Variants in PHF8 observed in about 807,000 individuals in gnomAD.
The protein encoded by PHF8 is histone lysine demethylase PHF8.
A neutral mutation model predicts 74.4 loss-of-function variants in PHF8; 9 were observed. That is an observed-to-expected ratio of 0.12 (90% CI 0.07 to 0.21). PHF8 has a LOEUF of 0.21. Among genes scored for constraint, PHF8 ranks in the 10% least tolerant of loss-of-function variants. The pLI, the probability that PHF8 is intolerant of heterozygous loss-of-function variation, is 1.00. For synonymous variants in PHF8, 311 were observed against 316.6 expected, an observed-to-expected ratio of 0.98 and a Z score of 0.19; for missense variants, 478 against 816.6, an observed-to-expected ratio of 0.59 and a Z score of 5.05.
intron 16 of PHF8, among the ~76,000 whole-genome samples, chrX:53,986,219 A>G (rs782076173): frequency 4.5e-5 from 5 of 112,287 alleles, no homozygotes; most frequent in African/African-American, 1.6e-4. Context: ...CATATCACAT[A>G]CTCTTTCTGC....
chrX:53,990,691 C>G (rs782270733), intron 14 of PHF8, among the ~76,000 whole-genome samples: 1 of 111,633 alleles, frequency 9.0e-6, no homozygotes, highest in South Asian at 3.8e-4. Context: ...CCAGATGGAC[C>G]TGAAGGTAAC....
At chrX:54,043,672 A>T (rs1441752495) in intron 1 of PHF8, 90 bp downstream of exon 1, 1 of 220,327 alleles carries the variant, frequency 4.5e-6, no homozygotes, top group African/African-American at 3.1e-5. Context: ...CCTCAAACTG[A>T]TGAGAGCTCC....
At chrX:53,950,268 T>TCC (rs1161868716) in intron 19 of PHF8, among the ~76,000 whole-genome samples, 41 of 111,715 alleles carry the variant, frequency 3.7e-4, no homozygotes, top group Middle Eastern at 4.7e-3. Context: ...TAAAAGCCTC[T>TCC]CCCTCCCTGA....
intron 1 of PHF8, 48 bp from the exon 2 acceptor site, chrX:54,042,868 C>G: frequency 2.2e-6 from 2 of 891,718 alleles, no homozygotes; most frequent in African/African-American, 2.1e-5. Context: ...CCCCGCCCCC[C>G]ACCCCCTTGC....
intron 4 of PHF8, among the ~76,000 whole-genome samples, chrX:54,021,459 T>A (rs1557109821): frequency 5.8e-5 from 4 of 68,930 alleles, no homozygotes; most frequent in African/African-American, 1.8e-4. Context: ...CAATTATTTT[T>A]TTTTTTTTTT....
chrX:54,021,959 T>C (rs370574002), intron 4 of PHF8, among the ~76,000 whole-genome samples: 3 of 111,856 alleles, frequency 2.7e-5, no homozygotes, highest in African/African-American at 9.7e-5. Context: ...GACCAATAAT[T>C]TTTTTATATT....
intron 2 of PHF8, among the ~76,000 whole-genome samples, chrX:54,041,396 A>G (rs1307750122): frequency 2.8e-5 from 3 of 108,802 alleles, no homozygotes; most frequent in African/African-American, 1.0e-4. Flanking sequence ...AATAAAAAAA[A>G]AAAAAAAAGA....
At position 53,987,173 on chromosome X, in the gene PHF8, A is replaced by C; in HGVS notation, c.1910-10T>G. ...AATTTCCGGGGAAATTCTAGAAAAC[A>C]ATGGAATGCACTTATTATGAAGCTA... is the stretch of plus-strand genomic sequence containing the variant. On this transcript the variant is annotated splice_polypyrimidine_tract_variant and intron_variant, in intron 15 of 21. Coordinates refer to ENST00000338154, the MANE Select transcript of PHF8 (RefSeq NM_015107.3). 9.2e-7 allele frequency: 1 copy of C among 1,082,777 alleles called. No homozygotes were observed. Among genetic ancestry groups the C allele is most frequent in the African/African-American group, 1.8e-5 (1 of 55,365 alleles). The allele number at this position is 1,082,777 out of a possible 1,213,427, so 89.2% of individuals were successfully genotyped here.
At chrX:53,998,969 T>G (rs2065789222) in intron 11 of PHF8, among the ~76,000 whole-genome samples, 1 of 111,686 alleles carries the variant, frequency 9.0e-6, no homozygotes, top group South Asian at 3.7e-4. Context: ...CTCAAAGAAA[T>G]AAAAAGGAAG....
intron 4 of PHF8, among the ~76,000 whole-genome samples, chrX:54,019,459 C>CA (rs1245549870): frequency 8.6e-5 from 9 of 104,203 alleles, no homozygotes; most frequent in Admixed American, 2.1e-4. Context: ...GACCCTGTCT[C>CA]AAAAAAAAAA....
intron 19 of PHF8, among the ~76,000 whole-genome samples, chrX:53,953,519 T>A (rs782125323): frequency 9.3e-6 from 1 of 107,949 alleles, no homozygotes; most frequent in Non-Finnish European, 1.9e-5. Flanking sequence ...CAGGCACCTG[T>A]AATCCCAGCT....
chrX:54,024,899 C>CA (rs1557111047), intron 2 of PHF8, among the ~76,000 whole-genome samples: 1 of 110,752 alleles, frequency 9.0e-6, no homozygotes, highest in East Asian at 2.8e-4. Flanking sequence ...TTTTTTGAGA[C>CA]AGAGTCTCGC....
Position 53,959,451 on chromosome X carries a change from T to G in PHF8, c.2539+3393A>C, listed in dbSNP as rs144972903. On this transcript the variant is annotated intron_variant, in intron 19 of 21. Transcript: ENST00000338154. ...TAGTGTGGTGAATAACTTCATGAGT[T>G]ACTTTACTAACTCACCCTTCAAAAT... Among the ~76,000 whole-genome samples, 62 of 111,433 alleles carry G rather than the reference T, an allele frequency of 5.6e-4. No homozygotes were observed. In the East Asian group the frequency reaches 0.012, roughly 22 times the overall value.
chrX:53,979,488 A>C (rs1464473066), intron 18 of PHF8, among the ~76,000 whole-genome samples: 1 of 112,270 alleles, frequency 8.9e-6, no homozygotes, highest in African/African-American at 3.2e-5. Flanking sequence ...AATACAGAAA[A>C]ATTAAAAAGA....
chrX:53,955,557 C>CTTTTTTTTTTTTTTTTTTT (rs369969712), intron 19 of PHF8, among the ~76,000 whole-genome samples: 1 of 72,968 alleles, frequency 1.4e-5, no homozygotes, highest in Non-Finnish European at 2.5e-5. Context: ...CTCTTCTTTT[C>CTTTTTTTTTTTTTTTTTTT]TTTTTTTTTT....
At chrX:53,974,961 T>TTA (rs2065351356) in intron 18 of PHF8, among the ~76,000 whole-genome samples, 1 of 111,534 alleles carries the variant, frequency 9.0e-6, no homozygotes. Flanking sequence ...ATGCTGGGCT[T>TTA]AATACCTAGG....
In PHF8 at chrX:53,992,719, C is replaced by T. The variant is rs782061825; in HGVS notation, c.1730+17G>A. 2 of 1,014,444 alleles carry T rather than the reference C, an allele frequency of 2.0e-6. No individual in the cohort carries two copies. The highest frequency in any genetic ancestry group is 2.8e-6 in the Non-Finnish European group (2 of 718,928). 83.6% of individuals were successfully genotyped at this position (1,014,444 alleles called of 1,213,427 possible). A position where few individuals can be genotyped will look rare whatever the true frequency, so the allele number is the denominator to read the frequency against. Reference sequence around the variant, plus strand: ...CTGACAGTCCCAGTACCTCTGTGCTCCTCCTTCCCACCTCACCTGCCGTTA... The same window carrying T: ...CTGACAGTCCCAGTACCTCTGTGCTTCTCCTTCCCACCTCACCTGCCGTTA... On this transcript the variant is annotated intron_variant, in intron 14 of 21. Coordinates refer to ENST00000338154, the MANE Select transcript of PHF8 (RefSeq NM_015107.3).
chrX:54,031,533 C>T (rs1022073593), intron 2 of PHF8, among the ~76,000 whole-genome samples: 2 of 107,650 alleles, frequency 1.9e-5, no homozygotes, highest in African/African-American at 3.4e-5. Context: ...GATGCACCAA[C>T]GGAATAACTT....
At position 53,984,993 on chromosome X, in the gene PHF8, G is replaced by A; in HGVS notation, c.2364C>T (p.Thr788=). 3.3e-6 allele frequency: 4 copies of A among 1,210,708 alleles called. No individual in the cohort carries two copies. The highest frequency in any genetic ancestry group is 4.5e-6 in the Non-Finnish European group (4 of 894,673). Residue 788 remains threonine, a synonymous_variant, in exon 18 of 22, where the codon ACC becomes ACT. Transcript: ENST00000338154. Reference sequence around the variant, plus strand: ...CGTTCTCCTCCTCCTCCTCGCTCTCGGTTCTCCAGTATGCTGGCCGCTTGA... The same window carrying A: ...CGTTCTCCTCCTCCTCCTCGCTCTCAGTTCTCCAGTATGCTGGCCGCTTGA... ...RPIKRPAYWR[T]ESEEEEENAS...
Sources: allele counts gnomAD v4.1 joint callset (sites outside exome capture counted in the v4.1 genomes callset), GRCh38; gene constraint gnomAD v4.1.1; transcripts MANE v1.5; gene names NCBI Gene and HGNC (gene_info 2026-07-23, HGNC 2026-07-21).